Variants in ROBO1 observed in about 807,000 individuals in gnomAD.
ROBO1 encodes the protein roundabout guidance receptor 1, also known as roundabout homolog 1.
In ROBO1, 149 loss-of-function variants were observed where a neutral mutation model predicts 195.9. The ratio of observed to expected loss-of-function variants is 0.76; its 90% CI spans 0.67 to 0.87. The LOEUF (loss-of-function observed/expected upper bound fraction) is 0.87, where lower values mean the gene tolerates loss of function less well. Among genes scored for constraint, ROBO1 ranks in the 40% least tolerant of loss-of-function variants. The probability of loss-of-function intolerance (pLI) is 0.00; values close to 1 mark genes in which losing one functional copy is unlikely to be tolerated. For synonymous variants in ROBO1, 816 were observed against 733.2 expected, an observed-to-expected ratio of 1.11 and a Z score of -1.82; for missense variants, 1,933 against 2,068.3, an observed-to-expected ratio of 0.93 and a Z score of 1.27.
At chr3:78,866,812 G>C in intron 4 of ROBO1, among the ~76,000 whole-genome samples, 1 of 152,078 alleles carries the variant, frequency 6.6e-6, no homozygotes, top group East Asian at 1.9e-4. Flanking sequence ...AGAATAGAGG[G>C]GCAGGAGTAG....
chr3:79,667,724 A>T (rs1221747836), intron 1 of ROBO1, among the ~76,000 whole-genome samples: 1 of 151,774 alleles, frequency 6.6e-6, no homozygotes, highest in Non-Finnish European at 1.5e-5. Context: ...TGATCAAGCA[A>T]TCACTGTCAT....
chr3:78,944,604 A>G (rs1172366827), intron 3 of ROBO1, among the ~76,000 whole-genome samples: 2 of 152,222 alleles, frequency 1.3e-5, no homozygotes, highest in East Asian at 3.9e-4. Flanking sequence ...AAGACCAGTG[A>G]TTTCTGCATT....
intron 3 of ROBO1, among the ~76,000 whole-genome samples, chr3:79,013,342 A>G (rs142332821): frequency 6.9e-4 from 105 of 152,330 alleles, no homozygotes; most frequent in African/African-American, 2.4e-3. Flanking sequence ...TTTGAATCAC[A>G]TTCAGTCTCC....
chr3:79,635,744 A>G (rs1945477360), intron 1 of ROBO1, among the ~76,000 whole-genome samples: 1 of 151,704 alleles, frequency 6.6e-6, no homozygotes, highest in Non-Finnish European at 1.5e-5. Flanking sequence ...GTACAGAGAA[A>G]AAGGAATGGT....
intron 2 of ROBO1, among the ~76,000 whole-genome samples, chr3:79,290,360 C>T (rs2032171202): frequency 6.6e-6 from 1 of 151,934 alleles, no homozygotes; most frequent in Non-Finnish European, 1.5e-5. Context: ...AACCATTTGC[C>T]TCGTTTATGC....
intron 3 of ROBO1, among the ~76,000 whole-genome samples, chr3:79,092,907 T>TG (rs1320286176): frequency 1.3e-5 from 2 of 152,176 alleles, no homozygotes; most frequent in Non-Finnish European, 2.9e-5. Context: ...GATTCATTCT[T>TG]TAGCTGTAAA....
intron 1 of ROBO1, among the ~76,000 whole-genome samples, chr3:79,613,299 T>C (rs1338913098): frequency 6.6e-6 from 1 of 152,066 alleles, no homozygotes; most frequent in Non-Finnish European, 1.5e-5. Flanking sequence ...TTATTATGCA[T>C]AATGAAAAGT....
At chr3:79,550,195 G>GGAAAGAAAGAAAAGAAAA (rs1553762946) in intron 2 of ROBO1, among the ~76,000 whole-genome samples, 4 of 100,838 alleles carry the variant, frequency 4.0e-5, no homozygotes, top group African/African-American at 1.9e-4. Context: ...AAGAAAGAAA[G>GGAAAGAAAGAAAAGAAAA]GAAAAGAAAA....
At chr3:79,306,383 AT>A (rs150184707) in intron 2 of ROBO1, among the ~76,000 whole-genome samples, 75 of 151,662 alleles carry the variant, frequency 4.9e-4, no homozygotes, top group African/African-American at 1.6e-3. Context: ...CAAGATATCA[AT>A]TTTTTTTTAG....
At chr3:78,612,398 G>T (rs955784308) in intron 28 of ROBO1, among the ~76,000 whole-genome samples, 1 of 151,860 alleles carries the variant, frequency 6.6e-6, no homozygotes, top group Non-Finnish European at 1.5e-5. Flanking sequence ...TGTACCAATT[G>T]TGTCTGCCAT....
intron 2 of ROBO1, among the ~76,000 whole-genome samples, chr3:79,145,882 A>C (rs1368357206): frequency 3.9e-5 from 6 of 152,052 alleles, no homozygotes; most frequent in African/African-American, 1.2e-4. Context: ...AGTGAAATAG[A>C]TGGTGACTGA....
intron 2 of ROBO1, among the ~76,000 whole-genome samples, chr3:79,569,295 A>G (rs1465853790): frequency 6.6e-6 from 1 of 152,228 alleles, no homozygotes; most frequent in Non-Finnish European, 1.5e-5. Context: ...GTTGAAACTC[A>G]AGCTAACAAA....
intron 1 of ROBO1, among the ~76,000 whole-genome samples, chr3:79,650,179 T>A (rs2106740095): frequency 6.6e-6 from 1 of 151,812 alleles, no homozygotes; most frequent in South Asian, 2.1e-4. Flanking sequence ...AAACTACAAA[T>A]CTCTGACAAA....
At chr3:79,301,050 C>A (rs867748458) in intron 2 of ROBO1, among the ~76,000 whole-genome samples, 1 of 152,130 alleles carries the variant, frequency 6.6e-6, no homozygotes, top group Non-Finnish European at 1.5e-5. Flanking sequence ...AGTGGCAACC[C>A]TCTCGGGTCA....
At chr3:78,933,341 T>A (rs1437490703) in intron 4 of ROBO1, among the ~76,000 whole-genome samples, 1 of 152,112 alleles carries the variant, frequency 6.6e-6, no homozygotes, top group East Asian at 1.9e-4. Flanking sequence ...GAAAGCAAAA[T>A]CTAAAAACAT....
rs151014133 is a variant in ROBO1, at chr3:79,071,740, G to GCACACA, written c.172+53710_172+53715dup. ...CATGCACATGCACACACACACACAC[G>GCACACA]CACACACACACACACACACTGTGAC... On this transcript the variant is annotated intron_variant, in intron 3 of 30. Coordinates refer to ENST00000464233, the MANE Select transcript of ROBO1 (RefSeq NM_002941.4). Among the ~76,000 whole-genome samples, 675 of 144,380 alleles carry GCACACA rather than the reference G, an allele frequency of 4.7e-3. 2 individuals are homozygous for GCACACA. The highest frequency in any genetic ancestry group is 0.018 in the African/African-American group (650 of 35,882). 94.7% of individuals were successfully genotyped at this position (144,380 alleles called of 152,430 possible).
At chr3:78,887,305 C>CT (rs1484919006) in intron 4 of ROBO1, among the ~76,000 whole-genome samples, 1 of 152,130 alleles carries the variant, frequency 6.6e-6, no homozygotes, top group Non-Finnish European at 1.5e-5. Flanking sequence ...TTAAAAAGGG[C>CT]TGTTGAGAGG....
At chr3:79,743,121 G>A (rs1455738921) in intron 1 of ROBO1, among the ~76,000 whole-genome samples, 3 of 152,140 alleles carry the variant, frequency 2.0e-5, no homozygotes, top group African/African-American at 7.2e-5. Context: ...AGTTAATGAT[G>A]GAAATACATT....
chr3:79,686,071 T>C (rs1342687295), intron 1 of ROBO1, among the ~76,000 whole-genome samples: 8 of 152,034 alleles, frequency 5.3e-5, no homozygotes, highest in South Asian at 2.1e-4. Context: ...GTTCAACATA[T>C]GCAAATCAAT....
Sources: gnomAD v4.1 joint callset for allele counts (sites outside exome capture counted in the v4.1 genomes callset) on GRCh38, gnomAD v4.1.1 for gene constraint, MANE v1.5 for transcripts, NCBI Gene and HGNC (gene_info 2026-07-23, HGNC 2026-07-21) for gene names.